The following NARS2 variants were observed in gnomAD, a reference collection of about 807,000 sequenced individuals.
The protein encoded by NARS2 is asparaginyl-tRNA synthetase 2, mitochondrial.
Under a neutral mutation model 62.9 loss-of-function variants are expected in NARS2, and 60 were observed. That is an observed-to-expected ratio of 0.95 (90% CI 0.77 to 1.18). The LOEUF (loss-of-function observed/expected upper bound fraction) is 1.18. NARS2 is among the 50% of genes most tolerant of loss of function. The pLI, the probability that NARS2 is intolerant of heterozygous loss-of-function variation, is 0.00. For synonymous variants in NARS2, 196 were observed against 200.0 expected, an observed-to-expected ratio of 0.98 and a Z score of 0.17; for missense variants, 619 against 576.4, an observed-to-expected ratio of 1.07 and a Z score of -0.76.
At chr11:78,574,243 C>T (rs111632564) in intron 1 of NARS2, 105 bp downstream of exon 1, 1 of 1,461,188 alleles carries the variant, frequency 6.8e-7, no homozygotes, top group Non-Finnish European at 9.5e-7. Flanking sequence ...TAACTTTTCC[C>T]TGCTGGCGGT....
intron 11 of NARS2, among the ~76,000 whole-genome samples, chr11:78,465,413 A>C (rs1477933328): frequency 1.3e-5 from 2 of 152,246 alleles, no homozygotes; most frequent in Non-Finnish European, 2.9e-5. Context: ...AAGGCCGAGG[A>C]GGCGCCGAGA....
intron 11 of NARS2, among the ~76,000 whole-genome samples, chr11:78,448,297 G>T (rs1857834069): frequency 6.6e-6 from 1 of 150,684 alleles, no homozygotes; most frequent in Non-Finnish European, 1.5e-5. Flanking sequence ...TGATTCCATG[G>T]GACAAGGGTG....
chr11:78,561,352 A>C (rs2135520371), intron 4 of NARS2, among the ~76,000 whole-genome samples: 1 of 152,346 alleles, frequency 6.6e-6, no homozygotes, highest in South Asian at 2.1e-4. Context: ...GGAGTGGTTA[A>C]GTATTGTCAG....
At chr11:78,532,787 T>C (rs944328273) in intron 5 of NARS2, among the ~76,000 whole-genome samples, 2 of 152,176 alleles carry the variant, frequency 1.3e-5, no homozygotes, top group Non-Finnish European at 2.9e-5. Context: ...GACTACCAAA[T>C]TGATAGGGAT....
At chr11:78,553,416 G>A (rs1238772090) in intron 5 of NARS2, among the ~76,000 whole-genome samples, 1 of 152,108 alleles carries the variant, frequency 6.6e-6, no homozygotes, top group African/African-American at 2.4e-5. Context: ...AGCCTCCTGA[G>A]TAGCTGGGAT....
intron 11 of NARS2, among the ~76,000 whole-genome samples, chr11:78,461,602 T>TAAAAAAAAAAAAAAAAAAAAAAAAAA (rs59664343): frequency 1.6e-5 from 1 of 64,078 alleles, no homozygotes; most frequent in African/African-American, 6.1e-5. Context: ...GCTGTGCTGG[T>TAAAAAAAAAAAAAAAAAAAAAAAAAA]AAAAAAAAAA....
intron 9 of NARS2, among the ~76,000 whole-genome samples, chr11:78,471,324 A>T (rs1335639071): frequency 6.6e-6 from 1 of 152,230 alleles, no homozygotes; most frequent in Non-Finnish European, 1.5e-5. Context: ...ATAATGACTG[A>T]AACACTTAGA....
chr11:78,497,633 A>G (rs1860116920), intron 6 of NARS2, among the ~76,000 whole-genome samples: 1 of 152,190 alleles, frequency 6.6e-6, no homozygotes, highest in Non-Finnish European at 1.5e-5. Flanking sequence ...GAAAATGAAC[A>G]TCTATTTTAC....
intron 6 of NARS2, among the ~76,000 whole-genome samples, chr11:78,509,112 GAAAA>G (rs201305584): frequency 1.2e-5 from 1 of 84,732 alleles, no homozygotes; most frequent in Non-Finnish European, 2.6e-5. Flanking sequence ...CTTTAAAAAG[GAAAA>G]AAAAAAAAAA....
Position 78,530,323 on chromosome 11 carries a change from G to A in NARS2, c.595-1387C>T, listed in dbSNP as rs182137790. On this transcript the variant is annotated intron_variant, in intron 5 of 13. Transcript: ENST00000281038. ...ATTATTTACTAAAGAATTGCTTTCC[G>A]AAATGAGGTCCAACAAATTTATAAG... is the stretch of plus-strand genomic sequence containing the variant. Among the ~76,000 whole-genome samples the A allele has an allele frequency of 1.2e-3, 189 of 152,048 alleles. 1 individual carries two copies. In the Middle Eastern group the frequency reaches 0.014, roughly 11 times the overall value.
chr11:78,568,562 T>A, intron 3 of NARS2, 70 bp downstream of exon 3: 1 of 1,476,148 alleles, frequency 6.8e-7, no homozygotes, highest in Non-Finnish European at 9.1e-7. Context: ...TTCCTAATAA[T>A]CACACTTAAA....
At position 78,557,365 on chromosome 11, in the gene NARS2, G is replaced by C. The variant is rs544610341; in HGVS notation, c.594+2174C>G. ...ATTCTTATGCTTCTACAGGCAGCCAGGAGGAATTCAACACAATGAATCTTG... is the reference window on the plus strand; with the variant it reads ...ATTCTTATGCTTCTACAGGCAGCCACGAGGAATTCAACACAATGAATCTTG... On this transcript the variant is annotated intron_variant, in intron 5 of 13. Coordinates refer to ENST00000281038, the MANE Select transcript of NARS2 (RefSeq NM_024678.6). Among the ~76,000 whole-genome samples the C allele has an allele frequency of 9.1e-4, 139 of 152,312 alleles. 1 individual carries two copies. The highest frequency in any genetic ancestry group is 6.8e-3 in the Middle Eastern group (2 of 294).
Position 78,492,112 on chromosome 11 carries a change from GAC to G in NARS2, c.822+949_822+950del, listed in dbSNP as rs754089395. Reference sequence around the variant, plus strand: ...TCATATATATATATATATATATACAGACACACACACACACACACACACATATA... The same window carrying G: ...TCATATATATATATATATATATACAGACACACACACACACACACACATATA... On this transcript the variant is annotated intron_variant, in intron 7 of 13. Transcript: ENST00000281038. Among the ~76,000 whole-genome samples the G allele has an allele frequency of 4.3e-3, 627 of 145,488 alleles. 3 individuals carry two copies. The highest frequency in any genetic ancestry group is 0.014 in the African/African-American group (570 of 39,674).
chr11:78,485,454 A>G (rs1195863337), intron 7 of NARS2, among the ~76,000 whole-genome samples: 1 of 152,320 alleles, frequency 6.6e-6, no homozygotes, highest in Admixed American at 6.5e-5. Flanking sequence ...CTAAGGACTC[A>G]GAAAAATAAA....
chr11:78,469,900 G>A (rs781280425), intron 9 of NARS2, among the ~76,000 whole-genome samples: 1 of 152,124 alleles, frequency 6.6e-6, no homozygotes, highest in Non-Finnish European at 1.5e-5. Flanking sequence ...TAGATATGAT[G>A]GTCAAGAAAG....
intron 11 of NARS2, among the ~76,000 whole-genome samples, chr11:78,448,334 T>G (rs945121484): frequency 6.6e-6 from 1 of 151,460 alleles, no homozygotes; most frequent in African/African-American, 2.4e-5. Context: ...TTTTTTTTTT[T>G]GAGACGGACT....
chr11:78,554,083 T>C (rs1856235955), intron 5 of NARS2, among the ~76,000 whole-genome samples: 1 of 152,214 alleles, frequency 6.6e-6, no homozygotes, highest in Non-Finnish European at 1.5e-5. Context: ...CTCTTTATTT[T>C]GTTCCATTGG....
intron 6 of NARS2, among the ~76,000 whole-genome samples, chr11:78,520,825 G>A (rs1165405232): frequency 6.6e-6 from 1 of 152,130 alleles, no homozygotes; most frequent in Non-Finnish European, 1.5e-5. Flanking sequence ...GGAGGCCGAG[G>A]CGGGTGGATC....
At chr11:78,563,339 T>TCC (rs1384029657) in intron 4 of NARS2, among the ~76,000 whole-genome samples, 1 of 148,766 alleles carries the variant, frequency 6.7e-6, no homozygotes, top group Non-Finnish European at 1.5e-5. Context: ...TGCCTCAACC[T>TCC]CCCAAGTAGC....
Sources: gnomAD v4.1 joint callset for allele counts (sites outside exome capture counted in the v4.1 genomes callset) on GRCh38, gnomAD v4.1.1 for gene constraint, MANE v1.5 for transcripts, NCBI Gene and HGNC (gene_info 2026-07-23, HGNC 2026-07-21) for gene names.